The following FKBP5 variants were observed in gnomAD, a reference collection of about 807,000 sequenced individuals.
FKBP5 encodes FKBP prolyl isomerase 5, also known as peptidyl-prolyl cis-trans isomerase FKBP5.
Under a neutral mutation model 50.5 loss-of-function variants are expected in FKBP5, and 23 were observed. The ratio of observed to expected loss-of-function variants is 0.46; its 90% confidence interval spans 0.33 to 0.65. FKBP5 has a LOEUF of 0.65. FKBP5 is among the 30% of genes least tolerant of loss of function. FKBP5 has a pLI of 0.02. For synonymous variants in FKBP5, 176 were observed against 190.6 expected (o/e 0.92, Z 0.63); for missense variants, 411 against 553.1 (o/e 0.74, Z 2.58).
chr6:35,716,596 C>T (rs978101305), intron 2 of FKBP5, among the ~76,000 whole-genome samples: 1 of 152,106 alleles, frequency 6.6e-6, no homozygotes, highest in African/African-American at 2.4e-5. Context: ...CACCCCTCAC[C>T]CTTCCTACCT....
At chr6:35,643,900 A>C (rs1764560620) in intron 1 of FKBP5, among the ~76,000 whole-genome samples, 2 of 152,178 alleles carry the variant, frequency 1.3e-5, no homozygotes, top group African/African-American at 4.8e-5. Context: ...GATTCCCTAG[A>C]ATGCCTCTAC....
At chr6:35,652,837 T>C (rs1286399493) in intron 1 of FKBP5, among the ~76,000 whole-genome samples, 2 of 152,190 alleles carry the variant, frequency 1.3e-5, no homozygotes, top group Admixed American at 6.5e-5. Flanking sequence ...AAAAACTTGC[T>C]GGTTTTTGTG....
At chr6:35,613,236 A>C (rs998569217) in intron 5 of FKBP5, among the ~76,000 whole-genome samples, 1 of 151,876 alleles carries the variant, frequency 6.6e-6, no homozygotes, top group Admixed American at 6.6e-5. Context: ...TTTTTTTGAG[A>C]CGGAGTTTCC....
intron 1 of FKBP5, among the ~76,000 whole-genome samples, chr6:35,678,970 C>T (rs1765595535): frequency 6.6e-6 from 1 of 152,160 alleles, no homozygotes; most frequent in African/African-American, 2.4e-5. Flanking sequence ...GTAATCCCAG[C>T]TACTGTGGAG....
At chr6:35,656,858 C>CT (rs1764963833) in intron 1 of FKBP5, among the ~76,000 whole-genome samples, 1 of 142,690 alleles carries the variant, frequency 7.0e-6, no homozygotes, top group South Asian at 2.2e-4. Flanking sequence ...GATCGTGCCA[C>CT]TGCACTCCAG....
chr6:35,686,054 T>C (rs1765818882), intron 1 of FKBP5, among the ~76,000 whole-genome samples: 1 of 151,958 alleles, frequency 6.6e-6, no homozygotes, highest in Non-Finnish European at 1.5e-5. Flanking sequence ...TCAAAATTAG[T>C]TGTTTTAATG....
chr6:35,583,800 CTCT>C (rs1762518451), intron 8 of FKBP5: 22 of 985,394 alleles, frequency 2.2e-5, no homozygotes, highest in Admixed American at 6.1e-5. Flanking sequence ...ACAGGGTGGA[CTCT>C]TCTTAGGAAT....
chr6:35,635,452 A>C (rs1764283782), intron 3 of FKBP5, among the ~76,000 whole-genome samples: 1 of 150,724 alleles, frequency 6.6e-6, no homozygotes, highest in South Asian at 2.1e-4. Flanking sequence ...CCCTGTCTCA[A>C]AAAAAAAAGG....
At chr6:35,618,764 G>A (rs921647743) in intron 5 of FKBP5, among the ~76,000 whole-genome samples, 7 of 151,670 alleles carry the variant, frequency 4.6e-5, no homozygotes, top group African/African-American at 1.5e-4. Flanking sequence ...GCACCATCTC[G>A]ACTCACTGCA....
chr6:35,609,397 T>C (rs562429213), intron 5 of FKBP5, among the ~76,000 whole-genome samples: 1 of 152,326 alleles, frequency 6.6e-6, no homozygotes, highest in African/African-American at 2.4e-5. Context: ...GCATTGTCTT[T>C]AGTGTAATGA....
At chr6:35,641,157 T>C (rs1449635860) in intron 2 of FKBP5, among the ~76,000 whole-genome samples, 1 of 152,134 alleles carries the variant, frequency 6.6e-6, no homozygotes, top group African/African-American at 2.4e-5. Context: ...TTTTTTAATT[T>C]TTTTTCTACA....
In FKBP5 at chr6:35,638,565, A is replaced by G. The variant is rs535128618; in HGVS notation, c.106-1407T>C. On this transcript the variant is annotated intron_variant, in intron 2 of 10. Transcript: ENST00000357266. ...CCCGAGTAGCAGAGACTACAGGCAC[A>G]TGCCACCACGCCTGGCAAATTTTTT... Among the ~76,000 whole-genome samples, 14 of 152,134 alleles carry G rather than the reference A, an allele frequency of 9.2e-5. No homozygotes were observed. The East Asian group carries it at 2.3e-3, about 25-fold the overall frequency.
chr6:35,588,527 T>A (rs1254649576), intron 7 of FKBP5, among the ~76,000 whole-genome samples: 2 of 151,860 alleles, frequency 1.3e-5, no homozygotes, highest in African/African-American at 4.8e-5. Context: ...TTTATGGAAT[T>A]TTTTTTTATT....
chr6:35,720,818 T>C (rs1361532032), intron 1 of FKBP5, among the ~76,000 whole-genome samples: 2 of 152,200 alleles, frequency 1.3e-5, no homozygotes, highest in Non-Finnish European at 2.9e-5. Flanking sequence ...ACCATTAATT[T>C]CACAGGTACC....
intron 2 of FKBP5, among the ~76,000 whole-genome samples, chr6:35,704,499 T>G (rs1766245509): frequency 6.6e-6 from 1 of 152,214 alleles, no homozygotes; most frequent in South Asian, 2.1e-4. Flanking sequence ...TGGCTGGATT[T>G]AGCTCCTAAG....
chr6:35,667,282 C>G (rs1765260593), intron 1 of FKBP5, among the ~76,000 whole-genome samples: 1 of 152,102 alleles, frequency 6.6e-6, no homozygotes, highest in Non-Finnish European at 1.5e-5. Context: ...CTGATACTGA[C>G]ATAATGGTGA....
intron 2 of FKBP5, among the ~76,000 whole-genome samples, chr6:35,701,382 T>C (rs1474614323): frequency 1.3e-5 from 2 of 150,740 alleles, no homozygotes; most frequent in African/African-American, 4.9e-5. Context: ...TAGCTGGGAC[T>C]ACAGGCGCCC....
chr6:35,680,697 T>C lies in FKBP5; in HGVS notation c.-20+8107A>G, dbSNP rs1421064996. On this transcript the variant is annotated intron_variant, in intron 1 of 10. Coordinates refer to ENST00000357266, the MANE Select transcript of FKBP5 (RefSeq NM_004117.4). ...TTTAGTTTACAAACACCAATGTCTT[T>C]CCTGCCTATGAAAAATAGCACCACC... is the stretch of plus-strand genomic sequence containing the variant. Among the ~76,000 whole-genome samples the C allele has an allele frequency of 3.3e-5, 5 of 152,346 alleles. No individual in the cohort carries two copies. In the East Asian group the frequency reaches 7.7e-4, roughly 23 times the overall value.
At chr6:35,666,093 T>C (rs1319869715) in intron 1 of FKBP5, among the ~76,000 whole-genome samples, 1 of 152,084 alleles carries the variant, frequency 6.6e-6, no homozygotes, top group Non-Finnish European at 1.5e-5. Flanking sequence ...AAGGAACATA[T>C]ATATTACCTA....
Sources: gnomAD v4.1 joint callset for allele counts (sites outside exome capture counted in the v4.1 genomes callset) on GRCh38, gnomAD v4.1.1 for gene constraint, MANE v1.5 for transcripts, NCBI Gene and HGNC (gene_info 2026-07-23, HGNC 2026-07-21) for gene names.